RYR2: variants seen among roughly 807,000 people sequenced by gnomAD.
RYR2 encodes cardiac muscle ryanodine receptor-calcium release channel.
A neutral mutation model predicts 601.1 loss-of-function variants in RYR2; 227 were observed. That is an observed-to-expected ratio of 0.38 (90% CI 0.34 to 0.42). The LOEUF is 0.42. Among genes scored for constraint, RYR2 ranks in the 10% least tolerant of loss-of-function variants. The probability of loss-of-function intolerance (pLI) is 1.00; values close to 1 mark genes in which losing one functional copy is unlikely to be tolerated. For synonymous variants in RYR2, 2,223 were observed against 2,175.1 expected (o/e 1.02, Z -0.61); for missense variants, 4,646 against 6,156.5 (o/e 0.75, Z 8.21).
intron 3 of RYR2, among the ~76,000 whole-genome samples, chr1:237,347,001 T>C (rs1698364413): frequency 6.6e-6 from 1 of 152,188 alleles, no homozygotes; most frequent in South Asian, 2.1e-4. Context: ...GTCCTGTGAG[T>C]CTGTGATTCT....
At chr1:237,683,637 T>A (rs1686090924) in intron 62 of RYR2, among the ~76,000 whole-genome samples, 1 of 152,222 alleles carries the variant, frequency 6.6e-6, no homozygotes, top group African/African-American at 2.4e-5. Flanking sequence ...TAGATGGTAA[T>A]GGATATTAAC....
At chr1:237,724,846 A>G (rs1275650009) in intron 74 of RYR2, among the ~76,000 whole-genome samples, 5 of 152,144 alleles carry the variant, frequency 3.3e-5, no homozygotes, top group South Asian at 2.1e-4. Context: ...AATAAATTCT[A>G]GATACATTAA....
chr1:237,435,662 T>C (rs1254796071), intron 12 of RYR2, among the ~76,000 whole-genome samples: 1 of 152,212 alleles, frequency 6.6e-6, no homozygotes, highest in African/African-American at 2.4e-5. Flanking sequence ...CTTCTGTGAT[T>C]AACATATCAT....
At chr1:237,347,321 A>G (rs1698389734) in intron 3 of RYR2, among the ~76,000 whole-genome samples, 1 of 152,172 alleles carries the variant, frequency 6.6e-6, no homozygotes, top group Non-Finnish European at 1.5e-5. Flanking sequence ...TCAAAAACAA[A>G]CAAACAGAAA....
At chr1:237,065,325 G>C (rs1182081278) in intron 1 of RYR2, among the ~76,000 whole-genome samples, 5 of 135,182 alleles carry the variant, frequency 3.7e-5, no homozygotes, top group Admixed American at 3.3e-4. Flanking sequence ...TGTCGCCCAG[G>C]CTGGAGTGCA....
intron 23 of RYR2, among the ~76,000 whole-genome samples, chr1:237,508,122 C>T (rs945497175): frequency 2.0e-5 from 3 of 152,044 alleles, no homozygotes; most frequent in East Asian, 1.9e-4. Flanking sequence ...CACCACCACA[C>T]GTGGCTAATT....
chr1:237,383,414 C>CTT (rs1558724426), intron 8 of RYR2, among the ~76,000 whole-genome samples: 8 of 64,780 alleles, frequency 1.2e-4, no homozygotes, highest in Non-Finnish European at 2.0e-4. Context: ...TTTCTTTTTT[C>CTT]TTGTTTTTTT....
chr1:237,518,018 G>A (rs1239515094), intron 24 of RYR2, among the ~76,000 whole-genome samples: 3 of 151,740 alleles, frequency 2.0e-5, no homozygotes, highest in African/African-American at 7.3e-5. Flanking sequence ...CAGATATCTG[G>A]GAGTCATCCT....
rs762107455 is a variant in RYR2, at chr1:237,330,990, C to T, written c.273+8C>T. ...GTGGAGAAATCAGAAGGGGCAAGTA[C>T]CCAATTTATGTAGACTTGTAGTATT... is the stretch of plus-strand genomic sequence containing the variant. On this transcript the variant is annotated splice_region_variant and intron_variant, in intron 3 of 104. Coordinates refer to ENST00000366574, the MANE Select transcript of RYR2 (RefSeq NM_001035.3). 2.5e-6 allele frequency: 4 copies of T among 1,605,430 alleles called. No homozygotes were observed. The South Asian group carries it at 4.4e-5, about 18-fold the overall frequency.
chr1:237,543,857 A>C (rs550394470), intron 25 of RYR2, among the ~76,000 whole-genome samples: 1 of 152,364 alleles, frequency 6.6e-6, no homozygotes, highest in Middle Eastern at 3.4e-3. Flanking sequence ...AATGTGGGTC[A>C]GATGGGAATG....
chr1:237,455,181 G>A (rs1042686022), intron 15 of RYR2, among the ~76,000 whole-genome samples: 2 of 152,054 alleles, frequency 1.3e-5, no homozygotes, highest in African/African-American at 4.8e-5. Context: ...ATAAAAGAAG[G>A]ACCAAATGAT....
intron 94 of RYR2, 59 bp from the exon 95 acceptor site, chr1:237,793,808 A>C: frequency 7.5e-7 from 1 of 1,332,220 alleles, no homozygotes; most frequent in Non-Finnish European, 1.1e-6. Flanking sequence ...AAAGATAGTG[A>C]CCACAAGATA....
intron 1 of RYR2, among the ~76,000 whole-genome samples, chr1:237,136,269 T>G (rs1672765436): frequency 1.3e-5 from 2 of 152,208 alleles, no homozygotes; most frequent in Admixed American, 1.3e-4. Context: ...ACCACCATAA[T>G]GCAGGTCTTC....
intron 27 of RYR2, among the ~76,000 whole-genome samples, chr1:237,556,104 T>A (rs973000887): frequency 1.3e-5 from 2 of 152,136 alleles, no homozygotes; most frequent in Admixed American, 6.5e-5. Flanking sequence ...TAATACGTAT[T>A]AATAATTTCA....
At chr1:237,414,494 A>G (rs1704761512) in intron 10 of RYR2, among the ~76,000 whole-genome samples, 1 of 152,196 alleles carries the variant, frequency 6.6e-6, no homozygotes, top group South Asian at 2.1e-4. Context: ...TTTAATTAGC[A>G]CATAATTGTA....
intron 98 of RYR2, among the ~76,000 whole-genome samples, chr1:237,803,438 C>T (rs1004547073): frequency 1.3e-5 from 2 of 152,110 alleles, no homozygotes; most frequent in African/African-American, 2.4e-5. Context: ...GTAGCTGGGA[C>T]TACAGGCGCC....
chr1:237,429,036 A>AT (rs11455877), intron 12 of RYR2, among the ~76,000 whole-genome samples: 36,743 of 151,914 alleles, frequency 0.24, 4,929 homozygotes, highest in East Asian at 0.47. Context: ...ACTCAGGAAT[A>AT]TTGCAGGGCT....
intron 1 of RYR2, among the ~76,000 whole-genome samples, chr1:237,145,335 G>A (rs916043018): frequency 1.3e-5 from 2 of 152,100 alleles, no homozygotes; most frequent in African/African-American, 2.4e-5. Flanking sequence ...AGCTGTGCAC[G>A]CTCATTTTTG....
intron 1 of RYR2, among the ~76,000 whole-genome samples, chr1:237,209,466 ATAG>A (rs1038075922): frequency 1.7e-4 from 26 of 148,576 alleles, no homozygotes; most frequent in African/African-American, 6.4e-4. Context: ...TTCTGATACT[ATAG>A]TTATGGTACA....
Sources: allele counts gnomAD v4.1 joint callset (sites outside exome capture counted in the v4.1 genomes callset), GRCh38; gene constraint gnomAD v4.1.1; transcripts MANE v1.5; gene names NCBI Gene and HGNC (gene_info 2026-07-23, HGNC 2026-07-21).